The following IMMP2L variants were observed in gnomAD, a reference collection of about 807,000 sequenced individuals.
IMMP2L encodes mitochondrial inner membrane protease subunit 2.
Under a neutral mutation model 19.3 loss-of-function variants are expected in IMMP2L, and 18 were observed. The ratio of observed to expected loss-of-function variants is 0.93; its 90% CI spans 0.64 to 1.38. The LOEUF is 1.38. Among genes scored for constraint, IMMP2L ranks in the 40% most tolerant of loss-of-function variants. IMMP2L has a pLI of 0.00. For synonymous variants in IMMP2L, 76 were observed against 73.0 expected (o/e 1.04, Z -0.21); for missense variants, 233 against 218.2 (o/e 1.07, Z -0.43).
At chr7:110,971,136 T>C (rs911739213) in intron 3 of IMMP2L, among the ~76,000 whole-genome samples, 1 of 152,062 alleles carries the variant, frequency 6.6e-6, no homozygotes, top group Non-Finnish European at 1.5e-5. Flanking sequence ...TGCAAAATAT[T>C]AGAAGTACCT....
intron 3 of IMMP2L, among the ~76,000 whole-genome samples, chr7:111,265,169 T>C (rs1817698409): frequency 6.6e-6 from 1 of 152,222 alleles, no homozygotes; most frequent in South Asian, 2.1e-4. Flanking sequence ...CCTTCCCACA[T>C]GGTTCAGCTG....
intron 5 of IMMP2L, among the ~76,000 whole-genome samples, chr7:110,670,571 T>C (rs898392973): frequency 1.5e-4 from 23 of 151,322 alleles, no homozygotes; most frequent in Admixed American, 1.5e-3. Flanking sequence ...CTGCCTGTAA[T>C]CCCAGCTACT....
chr7:110,962,947 T>G, intron 4 of IMMP2L: 1 of 1,427,104 alleles, frequency 7.0e-7, no homozygotes, highest in Non-Finnish European at 9.1e-7. Flanking sequence ...CAATTGTTCT[T>G]GATTTATCAG....
At position 111,161,070 on chromosome 7, in the gene IMMP2L, A is replaced by G. The variant is rs542658813; in HGVS notation, c.240-197505T>C. Among the ~76,000 whole-genome samples the G allele has an allele frequency of 4.2e-4, 64 of 152,018 alleles. 1 individual carries two copies. Among genetic ancestry groups the G allele is most frequent in the Non-Finnish European group, 5.6e-4 (38 of 67,822 alleles). The stretch of plus-strand genomic sequence containing the variant: ...AAATACAAATAAATATACAACTTTT[A>G]AATAAATGGAATTATTTCCTTAAAA... On this transcript the variant is annotated intron_variant, in intron 3 of 5. Coordinates refer to ENST00000405709, the MANE Select transcript of IMMP2L (RefSeq NM_032549.4).
chr7:111,484,849 C>T (rs752782046), intron 3 of IMMP2L, among the ~76,000 whole-genome samples: 5 of 152,088 alleles, frequency 3.3e-5, no homozygotes, highest in Non-Finnish European at 7.4e-5. Context: ...TGCAGTGGCA[C>T]AATCACAGAT....
At chr7:111,354,891 C>T (rs560505822) in intron 3 of IMMP2L, among the ~76,000 whole-genome samples, 6 of 151,852 alleles carry the variant, frequency 4.0e-5, no homozygotes, top group East Asian at 1.9e-4. Flanking sequence ...AATGAAGATA[C>T]GCCATTCATT....
intron 3 of IMMP2L, among the ~76,000 whole-genome samples, chr7:111,177,493 GA>G: frequency 6.6e-6 from 1 of 152,008 alleles, no homozygotes; most frequent in South Asian, 2.1e-4. Context: ...CCCCACTTTT[GA>G]AAAATCGATT....
intron 3 of IMMP2L, among the ~76,000 whole-genome samples, chr7:111,357,817 C>A (rs182836244): frequency 4.6e-4 from 70 of 152,086 alleles, no homozygotes; most frequent in African/African-American, 1.7e-3. Flanking sequence ...CCATTTCTAT[C>A]TGGTACTTTT....
chr7:110,775,973 A>C (rs1799358932), intron 5 of IMMP2L, among the ~76,000 whole-genome samples: 1 of 151,960 alleles, frequency 6.6e-6, no homozygotes, highest in East Asian at 1.9e-4. Context: ...GTAAAAAAAA[A>C]CGCATGAAAA....
intron 3 of IMMP2L, among the ~76,000 whole-genome samples, chr7:111,220,034 G>C (rs936244136): frequency 6.6e-6 from 1 of 151,952 alleles, no homozygotes; most frequent in African/African-American, 2.4e-5. Context: ...ATTTCTCCAA[G>C]CTCCACTATA....
intron 3 of IMMP2L, among the ~76,000 whole-genome samples, chr7:111,239,608 T>C (rs571301516): frequency 6.6e-6 from 1 of 152,090 alleles, no homozygotes. Flanking sequence ...ATCAACCTGA[T>C]AAGACCAATT....
At chr7:111,087,499 C>A (rs1425716142) in intron 3 of IMMP2L, among the ~76,000 whole-genome samples, 5 of 149,178 alleles carry the variant, frequency 3.4e-5, no homozygotes, top group Admixed American at 2.7e-4. Flanking sequence ...AGCTATAATT[C>A]AACTGGAATA....
chr7:110,911,226 T>A (rs1439077492), intron 4 of IMMP2L, among the ~76,000 whole-genome samples: 3 of 152,150 alleles, frequency 2.0e-5, no homozygotes, highest in African/African-American at 7.2e-5. Flanking sequence ...GCCATTTACC[T>A]AAGCTATCTT....
intron 3 of IMMP2L, among the ~76,000 whole-genome samples, chr7:111,334,006 T>G (rs540476721): frequency 4.2e-4 from 64 of 152,180 alleles, no homozygotes; most frequent in Middle Eastern, 3.4e-3. Flanking sequence ...AAACCTTTTC[T>G]TAAACAACTC....
intron 3 of IMMP2L, among the ~76,000 whole-genome samples, chr7:111,257,847 T>A: frequency 6.6e-6 from 1 of 152,024 alleles, no homozygotes; most frequent in East Asian, 1.9e-4. Context: ...GTTTGTTACA[T>A]AGGTATACAT....
At chr7:110,678,324 A>G (rs1207370917) in intron 5 of IMMP2L, among the ~76,000 whole-genome samples, 1 of 152,160 alleles carries the variant, frequency 6.6e-6, no homozygotes, top group African/African-American at 2.4e-5. Flanking sequence ...TACATATGGC[A>G]TAGACATAGT....
intron 3 of IMMP2L, among the ~76,000 whole-genome samples, chr7:111,151,310 C>A (rs1804046813): frequency 6.6e-6 from 1 of 152,100 alleles, no homozygotes; most frequent in African/African-American, 2.4e-5. Flanking sequence ...ATCTAACAAC[C>A]AGCTTACGTG....
intron 3 of IMMP2L, among the ~76,000 whole-genome samples, chr7:111,063,600 C>T (rs116338487): frequency 7.2e-4 from 110 of 152,294 alleles, no homozygotes; most frequent in African/African-American, 2.5e-3. Context: ...TGCTCTGCTC[C>T]CCTTACAAAA....
intron 3 of IMMP2L, among the ~76,000 whole-genome samples, chr7:111,146,444 G>A (rs1432578024): frequency 6.6e-6 from 1 of 151,998 alleles, no homozygotes; most frequent in Non-Finnish European, 1.5e-5. Flanking sequence ...TACTTATAGG[G>A]AGTACAGAAA....
Sources: allele counts gnomAD v4.1 joint callset (sites outside exome capture counted in the v4.1 genomes callset), GRCh38; gene constraint gnomAD v4.1.1; transcripts MANE v1.5; gene names NCBI Gene and HGNC (gene_info 2026-07-23, HGNC 2026-07-21).